CTNNA1: variants seen among roughly 807,000 people sequenced by gnomAD.
CTNNA1 encodes the protein catenin alpha-1.
A neutral mutation model predicts 98.4 loss-of-function variants in CTNNA1; 37 were observed. That is an observed-to-expected ratio of 0.38 (90% CI 0.29 to 0.49). The LOEUF is 0.49. Among genes scored for constraint, CTNNA1 ranks in the 20% least tolerant of loss-of-function variants. The pLI is 0.95. For synonymous variants in CTNNA1, 404 were observed against 413.2 expected (o/e 0.98, Z 0.27); for missense variants, 761 against 1,147.2 (o/e 0.66, Z 4.86).
intron 11 of CTNNA1, among the ~76,000 whole-genome samples, chr5:138,920,619 G>A (rs1222915802): frequency 2.6e-5 from 4 of 152,236 alleles, no homozygotes; most frequent in Admixed American, 1.3e-4. Flanking sequence ...GTTTTCTACT[G>A]TCTCCTGGGG....
At chr5:138,794,251 A>G (rs1048813719) in intron 3 of CTNNA1, among the ~76,000 whole-genome samples, 6 of 152,048 alleles carry the variant, frequency 3.9e-5, no homozygotes, top group Admixed American at 2.6e-4. Context: ...TCCTGACCTC[A>G]GGTGATCGGC....
intron 7 of CTNNA1, among the ~76,000 whole-genome samples, chr5:138,864,008 G>A (rs569431276): frequency 6.6e-6 from 1 of 152,266 alleles, no homozygotes; most frequent in East Asian, 1.9e-4. Context: ...TGTTATCTAG[G>A]CTGGAGTGCA....
chr5:138,866,322 ATTTATTTT>A (rs879588753), intron 7 of CTNNA1, among the ~76,000 whole-genome samples: 8 of 137,600 alleles, frequency 5.8e-5, no homozygotes, highest in South Asian at 2.2e-4. Context: ...TTATTTATTT[ATTTATTTT>A]GGTACAAATA....
intron 1 of CTNNA1, among the ~76,000 whole-genome samples, chr5:138,775,372 A>C (rs1488029574): frequency 2.6e-5 from 4 of 152,190 alleles, no homozygotes; most frequent in Non-Finnish European, 5.9e-5. Flanking sequence ...TAACCTTTAA[A>C]AACCAAAGTG....
chr5:138,825,482 GTTTTT>G (rs756586452), intron 6 of CTNNA1, among the ~76,000 whole-genome samples: 2 of 74,114 alleles, frequency 2.7e-5, no homozygotes, highest in East Asian at 5.6e-4. Context: ...AGCAGTATAA[GTTTTT>G]TTTTTTTTTT....
At chr5:138,810,245 G>A (rs552089771) in intron 4 of CTNNA1, 41 bp downstream of exon 4, 1 of 1,589,768 alleles carries the variant, frequency 6.3e-7, no homozygotes, top group East Asian at 2.3e-5. Flanking sequence ...TTCTATCACA[G>A]GAAGATTGCT....
chr5:138,881,187 T>C (rs1752830001), intron 7 of CTNNA1: 1 of 450,838 alleles, frequency 2.2e-6, no homozygotes, highest in Non-Finnish European at 4.5e-6. Flanking sequence ...TGCGTTTGTC[T>C]GTGTATGTCT....
chr5:138,827,780 G>A (rs963416441), intron 7 of CTNNA1, 62 bp downstream of exon 7: 38 of 1,584,126 alleles, frequency 2.4e-5, no homozygotes, highest in Non-Finnish European at 2.8e-5. Context: ...TCTATAACAT[G>A]TTGGATCTGA....
At chr5:138,865,637 A>G (rs1355329596) in intron 7 of CTNNA1, among the ~76,000 whole-genome samples, 2 of 152,196 alleles carry the variant, frequency 1.3e-5, no homozygotes, top group Non-Finnish European at 2.9e-5. Flanking sequence ...TTGCTGTACT[A>G]GGCCTTTCTA....
At chr5:138,808,924 T>C (rs561552193) in intron 3 of CTNNA1, among the ~76,000 whole-genome samples, 2 of 152,264 alleles carry the variant, frequency 1.3e-5, no homozygotes, top group East Asian at 3.9e-4. Context: ...TAAATAATTT[T>C]AAGACACAAA....
At chr5:138,926,175 G>T (rs1462113238) in intron 13 of CTNNA1, among the ~76,000 whole-genome samples, 1 of 152,154 alleles carries the variant, frequency 6.6e-6, no homozygotes, top group African/African-American at 2.4e-5. Context: ...GCGCCCTCGA[G>T]TCCTGCAACT....
At chr5:138,835,610 G>T (rs1320420533) in intron 7 of CTNNA1, among the ~76,000 whole-genome samples, 2 of 151,872 alleles carry the variant, frequency 1.3e-5, no homozygotes, top group Admixed American at 1.3e-4. Flanking sequence ...TTTTGACAGC[G>T]GCATTTATTT....
intron 5 of CTNNA1, among the ~76,000 whole-genome samples, chr5:138,817,912 C>T (rs548678855): frequency 7.4e-4 from 113 of 152,022 alleles, no homozygotes; most frequent in African/African-American, 2.5e-3. Context: ...GACAGACTTT[C>T]GCTGTCATCT....
chr5:138,898,593 C>T (rs551709566), intron 9 of CTNNA1, among the ~76,000 whole-genome samples: 1 of 141,834 alleles, frequency 7.1e-6, no homozygotes, highest in African/African-American at 2.7e-5. Context: ...CAGAGTGAGA[C>T]CCTGTCTTAA....
At chr5:138,761,306 C>T (rs1227149100) in intron 1 of CTNNA1, among the ~76,000 whole-genome samples, 1 of 152,108 alleles carries the variant, frequency 6.6e-6, no homozygotes, top group Non-Finnish European at 1.5e-5. Context: ...ATGATCTCGG[C>T]TCACTGCAAC....
rs187063232 is a variant in CTNNA1 at position 138,778,400 on chromosome 5, A to G, written c.-2-3523A>G. ...TGAGGTTATGTAATTTTCAGGCGAAATAACACAGAGGTGATGTTGTATCCT... is the reference window on the plus strand; with the variant it reads ...TGAGGTTATGTAATTTTCAGGCGAAGTAACACAGAGGTGATGTTGTATCCT... On this transcript the variant is annotated intron_variant, in intron 1 of 17. Coordinates refer to ENST00000302763, the MANE Select transcript of CTNNA1 (RefSeq NM_001903.5). 4.0e-3 allele frequency among the ~76,000 whole-genome samples: 607 copies of G among 152,330 alleles called. 8 individuals are homozygous for G. The highest frequency in any genetic ancestry group is 0.013 in the African/African-American group (531 of 41,586).
chr5:138,830,589 A>G (rs1464943632), intron 7 of CTNNA1, among the ~76,000 whole-genome samples: 1 of 152,244 alleles, frequency 6.6e-6, no homozygotes, highest in Non-Finnish European at 1.5e-5. Context: ...AAGGGTCTGG[A>G]AGAAGCAGAA....
chr5:138,886,117 C>T, intron 7 of CTNNA1, 95 bp from the exon 8 acceptor site: 1 of 1,375,710 alleles, frequency 7.3e-7, no homozygotes, highest in Admixed American at 2.4e-5. Flanking sequence ...AGTTGTACTG[C>T]TTTTTCAGTG....
Position 138,827,407 on chromosome 5 carries a change from G to A in CTNNA1, c.859-108G>A, listed in dbSNP as rs1760831045. 8.7e-6 allele frequency: 11 copies of A among 1,258,438 alleles called. No homozygotes were observed. In the South Asian group the frequency reaches 1.3e-4, roughly 15 times the overall value. The allele number at this position is 1,258,438 out of a possible 1,614,324, so 78.0% of individuals were successfully genotyped here. A position where few individuals can be genotyped will look rare whatever the true frequency, so the allele number is the denominator to read the frequency against. ...TAAGAAGTATAACTTTCTTTCAGATGTTGGAATTTTTGTGTTAAATCTTGA... is the reference window on the plus strand; with the variant it reads ...TAAGAAGTATAACTTTCTTTCAGATATTGGAATTTTTGTGTTAAATCTTGA... On this transcript the variant is annotated intron_variant, in intron 6 of 17. Coordinates refer to ENST00000302763, the MANE Select transcript of CTNNA1 (RefSeq NM_001903.5).
Sources: gnomAD v4.1 joint callset for allele counts (sites outside exome capture counted in the v4.1 genomes callset) on GRCh38, gnomAD v4.1.1 for gene constraint, MANE v1.5 for transcripts, NCBI Gene and HGNC (gene_info 2026-07-23, HGNC 2026-07-21) for gene names.